STOML3: variants seen among roughly 807,000 people sequenced by gnomAD.
STOML3 encodes the protein stomatin-like protein 3.
STOML3 carries 31 observed loss-of-function variants against 29.5 expected under a neutral mutation model. That is an observed-to-expected ratio of 1.05 (90% confidence interval 0.79 to 1.42). The LOEUF is 1.42. STOML3 is among the 40% of genes most tolerant of loss of function. STOML3 has a pLI of 0.00. For missense variants in STOML3, 380 were observed against 363.0 expected (o/e 1.05, Z -0.38); for synonymous variants, 122 against 139.8 (o/e 0.87, Z 0.90).
intron 1 of STOML3, chr13:38,979,944 C>T: frequency 9.0e-7 from 1 of 1,110,036 alleles, no homozygotes; most frequent in Non-Finnish European, 1.3e-6. Context: ...CAACAGGACA[C>T]CAGCTGTGCT....
intron 3 of STOML3, among the ~76,000 whole-genome samples, chr13:38,973,241 C>A (rs1344448899): frequency 6.6e-6 from 1 of 151,388 alleles, no homozygotes; most frequent in Non-Finnish European, 1.5e-5. Context: ...AAGATCGTGC[C>A]ACTGCACTCC....
In STOML3 at chr13:38,966,848, T is replaced by C; in HGVS notation, c.853A>G (p.Lys285Glu). The C allele has an allele frequency of 6.2e-7, 1 of 1,613,546 alleles. No homozygotes were observed. Among genetic ancestry groups the C allele is most frequent in the Non-Finnish European group, 8.5e-7 (1 of 1,179,998 alleles). The change falls in exon 7 of 7, where the codon AAG (lysine) becomes GAG (glutamate). Residue 285 changes from lysine to glutamate, a missense_variant. Coordinates refer to ENST00000379631, the MANE Select transcript of STOML3 (RefSeq NM_145286.3). ...GIGGVSYDNH[K>E]KLPNKA ...CCTCAGGCTTTATTTGGAAGCTTCT[T>C]GTGGTTATCATAGCTGACGCCACCA...
chr13:38,987,716 T>A (rs12857215), intron 1 of STOML3, among the ~76,000 whole-genome samples: 1 of 127,878 alleles, frequency 7.8e-6, no homozygotes, highest in Non-Finnish European at 1.6e-5. Context: ...ATTATATATA[T>A]TAATTCATAT....
rs1566211294 is a variant in STOML3 at position 38,988,090 on chromosome 13, AATATGTTATATTTTATATCATATATTTT to A, written c.52+2552_52+2579del. Among the ~76,000 whole-genome samples, 19 of 102,690 alleles carry A rather than the reference AATATGTTATATTTTATATCATATATTTT, an allele frequency of 1.9e-4. 1 individual carries two copies. The highest frequency in any genetic ancestry group is 3.1e-4 in the African/African-American group (8 of 25,780). The allele number at this position is 102,690 out of a possible 152,430, so 67.4% of individuals were successfully genotyped here. A position where few individuals can be genotyped will look rare whatever the true frequency, so the allele number is the denominator to read the frequency against. The stretch of plus-strand genomic sequence containing the variant: ...ATTTTATATCATATATTTTATATAT[AATATGTTATATTTTATATCATATATTTT>A]ATATATTATATTTTATATCATATAT... On this transcript the variant is annotated intron_variant, in intron 1 of 6. Coordinates refer to ENST00000379631, the MANE Select transcript of STOML3 (RefSeq NM_145286.3).
chr13:38,978,514 C>T (rs1002970218), intron 1 of STOML3, among the ~76,000 whole-genome samples: 1 of 152,122 alleles, frequency 6.6e-6, no homozygotes, highest in Non-Finnish European at 1.5e-5. Flanking sequence ...CAACCAACCC[C>T]ATTCGCATCC....
chr13:38,990,824 G>C lies in STOML3; in HGVS notation c.-103C>G. The C allele has an allele frequency of 4.0e-6, 4 of 1,009,756 alleles. No individual in the cohort carries two copies. The highest frequency in any genetic ancestry group is 6.1e-6 in the Non-Finnish European group (4 of 655,526). 62.5% of individuals were successfully genotyped at this position (1,009,756 alleles called of 1,614,324 possible). ...GATGTGCTTGGGAGAGGGGAGAGGA[G>C]AAAGTATGAGAGAGTGAAAGACATT... is the stretch of plus-strand genomic sequence containing the variant. On this transcript the variant is annotated 5_prime_UTR_variant, in exon 1 of 7. Coordinates refer to ENST00000379631, the MANE Select transcript of STOML3 (RefSeq NM_145286.3).
At chr13:38,972,372 G>A in intron 4 of STOML3, 140 bp downstream of exon 4, 1 of 713,016 alleles carries the variant, frequency 1.4e-6, no homozygotes, top group East Asian at 3.0e-5. Context: ...ACCAAGGAAG[G>A]GCAATTCAAG....
intron 6 of STOML3, among the ~76,000 whole-genome samples, chr13:38,967,321 A>G (rs1880693955): frequency 6.6e-6 from 1 of 152,250 alleles, no homozygotes; most frequent in Non-Finnish European, 1.5e-5. Context: ...AATACAAATG[A>G]ATACTTGGCA....
chr13:38,980,965 G>C (rs1881250015), intron 1 of STOML3, among the ~76,000 whole-genome samples: 1 of 152,148 alleles, frequency 6.6e-6, no homozygotes, highest in South Asian at 2.1e-4. Flanking sequence ...CCCTGTGTGT[G>C]GCTGTGACAA....
rs139027101 is a variant in STOML3, at chr13:38,975,176, C to A, written c.229+1364G>T. ...GAAACCCCATCTCTACAAAAATTAG[C>A]CGCTTATGATAGTGGGTGCCTGTAA... On this transcript the variant is annotated intron_variant, in intron 3 of 6. Transcript: ENST00000379631. Among the ~76,000 whole-genome samples the A allele has an allele frequency of 9.3e-4, 142 of 151,942 alleles. 1 individual carries two copies. The East Asian group carries it at 0.022, about 23-fold the overall frequency.
At chr13:38,983,221 A>T (rs548893583) in intron 1 of STOML3, among the ~76,000 whole-genome samples, 1 of 151,766 alleles carries the variant, frequency 6.6e-6, no homozygotes, top group Non-Finnish European at 1.5e-5. Flanking sequence ...ATGGCTTATG[A>T]CCTCCCCCTC....
At chr13:38,983,183 C>T (rs189574219) in intron 1 of STOML3, among the ~76,000 whole-genome samples, 8 of 152,240 alleles carry the variant, frequency 5.3e-5, no homozygotes, top group East Asian at 1.9e-4. Flanking sequence ...ATTTTTGTCA[C>T]GTCATAAAGA....
chr13:38,970,342 T>C lies in STOML3; in HGVS notation c.359A>G (p.Tyr120Cys), dbSNP rs1198127737. Reference protein sequence around the residue: ...SVTTQVDGVVYYRIYSAVSAV... With the variant: ...SVTTQVDGVVCYRIYSAVSAV... ...TGAGACAGCACTATAGATTCTGTAATAGACAACTCCATCTACCTGAGTAGT... is the reference window on the plus strand; with the variant it reads ...TGAGACAGCACTATAGATTCTGTAACAGACAACTCCATCTACCTGAGTAGT... The change falls in exon 5 of 7, where the codon TAT becomes TGT. Residue 120 changes from tyrosine to cysteine, a missense_variant. Transcript: ENST00000379631. The C allele has an allele frequency of 2.5e-6, 4 of 1,614,168 alleles. No individual in the cohort carries two copies. Among genetic ancestry groups the C allele is most frequent in the Admixed American group, 3.3e-5 (2 of 60,022 alleles).
intron 1 of STOML3, among the ~76,000 whole-genome samples, chr13:38,986,038 T>G (rs1156547011): frequency 1.0e-4 from 15 of 145,174 alleles, no homozygotes; most frequent in Non-Finnish European, 1.5e-4. Flanking sequence ...TTACCTGGTT[T>G]TTTTTTTTTT....
rs1179783947 is a variant in STOML3, at chr13:38,970,252, T to C, written c.449A>G (p.Asn150Ser). 1.9e-6 allele frequency: 3 copies of C among 1,614,038 alleles called. No individual in the cohort carries two copies. Among genetic ancestry groups the C allele is most frequent in the Non-Finnish European group, 2.5e-6 (3 of 1,180,008 alleles). The change falls in exon 5 of 7, where the codon AAT (asparagine) becomes AGT (serine). Residue 150 changes from asparagine (N) to serine (S), a missense_variant. Asn to Ser is a conservative substitution (Grantham distance 46). Transcript: ENST00000379631. ...TFLLAQTTLR[N>S]VLGTQTLSQI... ...GGACAAGGTCTGTGTCCCTAAGACATTTCTCAGAGTGGTTTGAGCCAGCAG... is the reference window on the plus strand; with the variant it reads ...GGACAAGGTCTGTGTCCCTAAGACACTTCTCAGAGTGGTTTGAGCCAGCAG...
Position 38,970,230 on chromosome 13 carries a change from C to T in STOML3, c.471G>A (p.Leu157=), listed in dbSNP as rs769361144. 1.4e-5 allele frequency: 23 copies of T among 1,613,960 alleles called. No individual in the cohort carries two copies. In the East Asian group the frequency reaches 5.1e-4, roughly 36 times the overall value. Residue 157 remains leucine (L), a synonymous_variant, in exon 5 of 7, where the codon TTG becomes TTA. Coordinates refer to ENST00000379631, the MANE Select transcript of STOML3 (RefSeq NM_145286.3). The part of the protein sequence containing the change: ...TLRNVLGTQT[L]SQILAGREEI... ...CTTCTCGTCCAGCTAAGATCTGGGA[C>T]AAGGTCTGTGTCCCTAAGACATTTC...
chr13:38,978,494 T>TTC lies in STOML3; in HGVS notation c.53-1699_53-1698dup, dbSNP rs1258900581. Among the ~76,000 whole-genome samples, 6 of 152,112 alleles carry TTC rather than the reference T, an allele frequency of 3.9e-5. No individual in the cohort carries two copies. The South Asian group carries it at 6.2e-4, about 16-fold the overall frequency. On this transcript the variant is annotated intron_variant, in intron 1 of 6. Transcript: ENST00000379631. ...TAAATCCTTGTTCCTCCTTATTCCC[T>TTC]TCTCCTTGACAACCAACCCCATTCG...
intron 1 of STOML3, among the ~76,000 whole-genome samples, chr13:38,987,872 A>G (rs1156299593): frequency 1.3e-5 from 1 of 75,022 alleles, no homozygotes. Context: ...TATATATAAT[A>G]TATTATATTT....
intron 1 of STOML3, 54 bp downstream of exon 1, chr13:38,990,613 ACTC>A (rs1304741006): frequency 6.3e-6 from 10 of 1,575,240 alleles, no homozygotes; most frequent in Admixed American, 5.0e-5. Context: ...TAATGCTACA[ACTC>A]CTGCTTTGCC....
Sources: allele counts gnomAD v4.1 joint callset (sites outside exome capture counted in the v4.1 genomes callset), GRCh38; gene constraint gnomAD v4.1.1; transcripts MANE v1.5; gene names NCBI Gene and HGNC (gene_info 2026-07-23, HGNC 2026-07-21).